NLRP4: variants seen among roughly 807,000 people sequenced by gnomAD.
NLRP4 encodes the protein NACHT, LRR and PYD domains-containing protein 4.
In NLRP4, 44 loss-of-function variants were observed where a neutral mutation model predicts 84.7. That is an observed-to-expected ratio of 0.52 (90% CI 0.41 to 0.67). The LOEUF (loss-of-function observed/expected upper bound fraction) is 0.67. NLRP4 is among the 30% of genes least tolerant of loss of function. The pLI is 0.00. For synonymous variants in NLRP4, 544 were observed against 476.4 expected (o/e 1.14, Z -1.85); for missense variants, 1,260 against 1,219.4 (o/e 1.03, Z -0.50).
At chr19:55,876,966 T>A in intron 7 of NLRP4, 30 bp from the exon 8 acceptor site, 1 of 1,594,670 alleles carries the variant, frequency 6.3e-7, no homozygotes, top group Non-Finnish European at 8.6e-7. Context: ...TGTAATAGCC[T>A]TTAAGCATGG....
chr19:55,875,608 T>C (rs1404606334), intron 7 of NLRP4, among the ~76,000 whole-genome samples: 1 of 152,234 alleles, frequency 6.6e-6, no homozygotes, highest in African/African-American at 2.4e-5. Flanking sequence ...GTTGAATTCA[T>C]TTGCTTTCAT....
At position 55,857,821 on chromosome 19, in the gene NLRP4, A is replaced by T; in HGVS notation, c.428A>T (p.Glu143Val). ...DHLDRLFAPK[E>V]AGKQPRTVII... is the part of the protein sequence containing the mutation. ...TTGGACCGCCTTTTTGCTCCCAAGG[A>T]AGCTGGGAAACAGCCACGTACAGTG... Residue 143 changes from glutamate (E) to valine (V), a missense_variant, in exon 3 of 10, where the codon GAA (glutamate) becomes GTA (valine). Glu to Val is a moderately radical substitution (Grantham distance 121, BLOSUM62 -2). Around this residue, in one of 3 missense-constraint regions of NLRP4, gnomAD observed 712 missense variants for 669.2 expected, o/e 1.06. Transcript: ENST00000301295. The T allele has an allele frequency of 6.2e-7, 1 of 1,614,016 alleles. No homozygotes were observed. Among genetic ancestry groups the T allele is most frequent in the East Asian group, 2.2e-5 (1 of 44,872 alleles).
At chr19:55,860,022 G>C (rs1434608664) in intron 3 of NLRP4, among the ~76,000 whole-genome samples, 49 of 69,710 alleles carry the variant, frequency 7.0e-4, no homozygotes, top group African/African-American at 2.7e-3. Flanking sequence ...GTTTTGCTTT[G>C]TCACCCAGGC....
At chr19:55,860,857 TATCCC>T (rs1348208001) in intron 3 of NLRP4, among the ~76,000 whole-genome samples, 3 of 152,108 alleles carry the variant, frequency 2.0e-5, no homozygotes, top group African/African-American at 7.2e-5. Context: ...ACGCACCTAT[TATCCC>T]AGCTACTCAG....
intron 2 of NLRP4, among the ~76,000 whole-genome samples, chr19:55,853,889 T>TC (rs1984291940): frequency 1.5e-5 from 2 of 132,184 alleles, no homozygotes; most frequent in African/African-American, 3.6e-5. Context: ...TGCTATCTCT[T>TC]TCTCTCTCTC....
chr19:55,859,196 ACT>A lies in NLRP4; in HGVS notation c.1806_1807del (p.Cys603PhefsTer8), dbSNP rs774262308. ...CLKYCSSLRK[L>X]CFSVQNVFKK... ...TAAAATACTGCTCCAGCTTGAGGAA[ACT>A]CTGTTTTTCCGTTCAAAATGTCTTT... On this transcript the variant is annotated frameshift_variant, in exon 3 of 10. Coordinates refer to ENST00000301295, the MANE Select transcript of NLRP4 (RefSeq NM_134444.5). LOFTEE classifies it high-confidence loss of function. The A allele has an allele frequency of 2.1e-5, 33 of 1,607,702 alleles. No homozygotes were observed. Among genetic ancestry groups the A allele is most frequent in the Middle Eastern group, 1.6e-4 (1 of 6,070 alleles).
chr19:55,875,174 A>C (rs1156591291), intron 7 of NLRP4, among the ~76,000 whole-genome samples: 9 of 152,234 alleles, frequency 5.9e-5, no homozygotes, highest in Non-Finnish European at 5.9e-5. Context: ...CAATATCATG[A>C]AAAAGATAAG....
At chr19:55,847,581 A>G (rs1186992724) in intron 1 of NLRP4, among the ~76,000 whole-genome samples, 1 of 152,210 alleles carries the variant, frequency 6.6e-6, no homozygotes, top group Non-Finnish European at 1.5e-5. Context: ...GAGAGTTCCC[A>G]TAAATCCTGT....
chr19:55,866,613 C>T (rs1217762844), intron 5 of NLRP4, among the ~76,000 whole-genome samples: 2 of 152,130 alleles, frequency 1.3e-5, no homozygotes, highest in Non-Finnish European at 2.9e-5. Flanking sequence ...AAAAAGGAGT[C>T]CTAGGGGACT....
At chr19:55,861,787 T>C (rs2123041477) in intron 4 of NLRP4, among the ~76,000 whole-genome samples, 1 of 152,252 alleles carries the variant, frequency 6.6e-6, no homozygotes, top group Admixed American at 6.5e-5. Context: ...TAGCATCCCC[T>C]TGTCCAGATA....
chr19:55,877,748 C>T (rs1245235594), intron 8 of NLRP4, among the ~76,000 whole-genome samples: 1 of 152,168 alleles, frequency 6.6e-6, no homozygotes, highest in Non-Finnish European at 1.5e-5. Context: ...CCTGTGTCTT[C>T]ATGTTCTCTT....
In NLRP4 at chr19:55,866,906, A is replaced by G. The variant is rs187777769; in HGVS notation, c.2187-803A>G. Among the ~76,000 whole-genome samples, 126 of 152,270 alleles carry G rather than the reference A, an allele frequency of 8.3e-4. 1 individual carries two copies. The highest frequency in any genetic ancestry group is 1.5e-3 in the Non-Finnish European group (104 of 68,016). The stretch of plus-strand genomic sequence containing the variant: ...GGAATGGGTAGGACCCTTGTGGATC[A>G]TGTTGTATATTTTGGGATTTTCTCC... On this transcript the variant is annotated intron_variant, in intron 5 of 9. Coordinates refer to ENST00000301295, the MANE Select transcript of NLRP4 (RefSeq NM_134444.5).
At chr19:55,856,750 A>G (rs1203923674) in intron 2 of NLRP4, among the ~76,000 whole-genome samples, 2 of 151,794 alleles carry the variant, frequency 1.3e-5, no homozygotes, top group Non-Finnish European at 2.9e-5. Flanking sequence ...TCTTGACTTC[A>G]TGATCTGCCC....
chr19:55,874,689 A>G (rs1388353357), intron 7 of NLRP4, among the ~76,000 whole-genome samples: 1 of 151,952 alleles, frequency 6.6e-6, no homozygotes, highest in Non-Finnish European at 1.5e-5. Context: ...AAATAATTCC[A>G]CTCTTACATC....
At chr19:55,847,089 A>G (rs919538650) in intron 1 of NLRP4, among the ~76,000 whole-genome samples, 2 of 151,912 alleles carry the variant, frequency 1.3e-5, no homozygotes, top group Non-Finnish European at 2.9e-5. Flanking sequence ...CTTTCCCCTA[A>G]TTTTTGGATC....
chr19:55,860,251 C>A (rs1322613309), intron 3 of NLRP4, among the ~76,000 whole-genome samples: 1 of 152,128 alleles, frequency 6.6e-6, no homozygotes, highest in African/African-American at 2.4e-5. Context: ...TCTCAAAGTG[C>A]TGGGATTACA....
chr19:55,867,655 A>T, intron 5 of NLRP4, 54 bp from the exon 6 acceptor site: 1 of 1,518,346 alleles, frequency 6.6e-7, no homozygotes, highest in Non-Finnish European at 9.0e-7. Flanking sequence ...TGGCAAGAGG[A>T]ATGAGTCCAG....
intron 1 of NLRP4, among the ~76,000 whole-genome samples, chr19:55,849,360 C>T (rs192601140): frequency 2.2e-4 from 34 of 152,228 alleles, no homozygotes; most frequent in African/African-American, 5.5e-4. Flanking sequence ...GTAACAGTAC[C>T]GTAGACTAAG....
rs1568658678 is a variant in NLRP4, at chr19:55,850,171, G to GGCTGCGGTGTAATTTCCT, written c.-65-1845_-65-1844insGCTGCGGTGTAATTTCCT. 2.2e-5 allele frequency among the ~76,000 whole-genome samples: 3 copies of GGCTGCGGTGTAATTTCCT among 134,772 alleles called. No individual in the cohort carries two copies. The East Asian group carries it at 7.5e-4, about 34-fold the overall frequency. The allele number at this position is 134,772 out of a possible 152,430, so 88.4% of individuals were successfully genotyped here. A position where few individuals can be genotyped will look rare whatever the true frequency, so the allele number is the denominator to read the frequency against. On this transcript the variant is annotated intron_variant, in intron 1 of 9. Transcript: ENST00000301295. ...TTTCCGAGGCTGCGGTGTAATTTCC[G>GGCTGCGGTGTAATTTCCT]TGGCTGCGGTGTAATTTCCGTGGCT...
Sources: gnomAD v4.1 joint callset for allele counts (sites outside exome capture counted in the v4.1 genomes callset) on GRCh38, gnomAD v4.1.1 for gene constraint, gnomAD v4.1.1 regional missense constraint, MANE v1.5 for transcripts, NCBI Gene and HGNC (gene_info 2026-07-23, HGNC 2026-07-21) for gene names.